The following CD200R1 variants were observed in gnomAD, a reference collection of about 807,000 sequenced individuals.
CD200R1 encodes cell surface glycoprotein CD200 receptor 1.
CD200R1 carries 30 observed loss-of-function variants against 38.1 expected under a neutral mutation model. The observed-to-expected ratio is 0.79, with a 90% CI of 0.59 to 1.07. CD200R1 has a LOEUF of 1.07. Among genes scored for constraint, CD200R1 ranks in the 50% least tolerant of loss-of-function variants. The pLI, the probability that CD200R1 is intolerant of heterozygous loss-of-function variation, is 0.00. For synonymous variants in CD200R1, 128 were observed against 152.1 expected (o/e 0.84, Z 1.16); for missense variants, 372 against 415.4 (o/e 0.90, Z 0.91).
At chr3:112,930,692 T>G (rs1940409760) in intron 3 of CD200R1, among the ~76,000 whole-genome samples, 1 of 152,248 alleles carries the variant, frequency 6.6e-6, no homozygotes. Context: ...AACCTTTATG[T>G]GGGTGAAGGA....
At chr3:112,969,370 C>T (rs78592429) in intron 1 of CD200R1, among the ~76,000 whole-genome samples, 4,319 of 152,092 alleles carry the variant, frequency 0.028, 193 homozygotes, top group East Asian at 0.21. Flanking sequence ...CTACTAGAAA[C>T]AATAACAGAA....
At chr3:112,932,646 C>T (rs1227272027) in intron 2 of CD200R1, among the ~76,000 whole-genome samples, 7 of 152,084 alleles carry the variant, frequency 4.6e-5, no homozygotes, top group Non-Finnish European at 1.0e-4. Context: ...CAGCAGCCCA[C>T]ACCAACACTC....
intron 2 of CD200R1, among the ~76,000 whole-genome samples, chr3:112,931,564 G>A (rs1940440115): frequency 6.6e-6 from 1 of 152,108 alleles, no homozygotes; most frequent in Admixed American, 6.5e-5. Context: ...TTGGTCCAAT[G>A]TTGGGCACTT....
chr3:112,952,650 G>T (rs561353708), intron 1 of CD200R1, among the ~76,000 whole-genome samples: 5 of 151,950 alleles, frequency 3.3e-5, no homozygotes, highest in East Asian at 3.9e-4. Context: ...GTGGGAGGAG[G>T]GGGGAGGGAT....
At chr3:112,924,055 T>C (rs1192431199) in intron 7 of CD200R1, among the ~76,000 whole-genome samples, 4 of 151,910 alleles carry the variant, frequency 2.6e-5, no homozygotes, top group Admixed American at 1.3e-4. Context: ...TGAAGTGATA[T>C]GAGTACTCCA....
At position 112,974,950 on chromosome 3, in the gene CD200R1, A is replaced by G. The variant is rs1933406687; in HGVS notation, c.-93T>C. The G allele has an allele frequency of 4.7e-5, 44 of 940,338 alleles. No individual in the cohort carries two copies. The South Asian group carries it at 5.6e-4, about 12-fold the overall frequency. 58.2% of individuals were successfully genotyped at this position (940,338 alleles called of 1,614,324 possible). A position where few individuals can be genotyped will look rare whatever the true frequency, so the allele number is the denominator to read the frequency against. ...CGCATGGTGAGACCCTCTCTGGTCA[A>G]CTTCTCAGTACAGGATCCTCTTACC... On this transcript the variant is annotated 5_prime_UTR_variant, in exon 1 of 8. Transcript: ENST00000308611.
intron 2 of CD200R1, among the ~76,000 whole-genome samples, chr3:112,938,747 C>G (rs548737189): frequency 2.6e-5 from 4 of 152,160 alleles, no homozygotes; most frequent in African/African-American, 9.6e-5. Context: ...GAATGTAAAA[C>G]TCATTTGAAT....
At chr3:112,938,863 C>T (rs537500651) in intron 2 of CD200R1, among the ~76,000 whole-genome samples, 1 of 151,964 alleles carries the variant, frequency 6.6e-6, no homozygotes, top group African/African-American at 2.4e-5. Context: ...TACTAATAAA[C>T]ATATATATAA....
intron 1 of CD200R1, among the ~76,000 whole-genome samples, chr3:112,962,217 C>T (rs1346813167): frequency 6.6e-6 from 1 of 152,048 alleles, no homozygotes; most frequent in African/African-American, 2.4e-5. Flanking sequence ...ATTACTGTCA[C>T]AAACTCCAAA....
chr3:112,969,505 T>C lies in CD200R1; in HGVS notation c.67+5286A>G, dbSNP rs138494946. On this transcript the variant is annotated intron_variant, in intron 1 of 7. Transcript: ENST00000308611. ...GCCACCAACAGTTGCCTCTGACTTT[T>C]TGTTCCTGCCACTAGGATCACTGTC... Among the ~76,000 whole-genome samples, 558 of 152,342 alleles carry C rather than the reference T, an allele frequency of 3.7e-3. 5 individuals are homozygous for C. Among genetic ancestry groups the C allele is most frequent in the African/African-American group, 0.013 (539 of 41,582 alleles).
chr3:112,941,539 A>G (rs1940728565), intron 2 of CD200R1, among the ~76,000 whole-genome samples: 1 of 151,616 alleles, frequency 6.6e-6, no homozygotes, highest in South Asian at 2.1e-4. Flanking sequence ...TGAGATCAAC[A>G]TGCATTCCTT....
In CD200R1 at chr3:112,929,008, C is replaced by A. The variant is rs1336046447; in HGVS notation, c.577G>T (p.Val193Phe). The A allele has an allele frequency of 6.2e-7, 1 of 1,614,006 alleles. No homozygotes were observed. The highest frequency in any genetic ancestry group is 2.2e-5 in the East Asian group (1 of 44,870). ...ATATGCGCAGCTGGCTTCCCTGCAA[C>A]TGCCTTGCATACTGCAGTTCTATTC... Reference protein sequence around the residue: ...NRNRTAVCKAVAGKPAAHISW... With the variant: ...NRNRTAVCKAFAGKPAAHISW... The change falls in exon 5 of 8, where the codon GTT becomes TTT. Residue 193 changes from valine to phenylalanine, a missense_variant. Transcript: ENST00000308611.
intron 1 of CD200R1, among the ~76,000 whole-genome samples, chr3:112,948,650 C>A (rs1448214057): frequency 2.0e-5 from 3 of 152,158 alleles, no homozygotes; most frequent in Non-Finnish European, 2.9e-5. Context: ...CCCTGCTGTG[C>A]GGCCCAATCC....
chr3:112,928,748 C>CT (rs200632736), intron 5 of CD200R1, 68 bp downstream of exon 5: 1,498 of 1,206,516 alleles, frequency 1.2e-3, no homozygotes, highest in Non-Finnish European at 1.5e-3. Flanking sequence ...ATTTGCACAT[C>CT]TTTTTTTTTC....
At chr3:112,933,459 C>A (rs145160154) in intron 2 of CD200R1, among the ~76,000 whole-genome samples, 1 of 152,294 alleles carries the variant, frequency 6.6e-6, no homozygotes, top group African/African-American at 2.4e-5. Flanking sequence ...TTGCAAACAT[C>A]ACTAGAATGG....
Position 112,974,866 on chromosome 3 carries a change from T to C in CD200R1, c.-9A>G, listed in dbSNP as rs759036069. ...CTCCAAGGGCAGAGCATTTCTGTTTTCTCTTTTTCTGCCCTTCACTCAGTA... is the reference window on the plus strand; with the variant it reads ...CTCCAAGGGCAGAGCATTTCTGTTTCCTCTTTTTCTGCCCTTCACTCAGTA... On this transcript the variant is annotated 5_prime_UTR_variant, in exon 1 of 8. Transcript: ENST00000308611. 2.5e-6 allele frequency: 4 copies of C among 1,611,480 alleles called. No homozygotes were observed. The highest frequency in any genetic ancestry group is 1.7e-4 in the Middle Eastern group (1 of 6,058).
At chr3:112,958,591 T>C (rs925856872) in intron 1 of CD200R1, among the ~76,000 whole-genome samples, 1 of 152,130 alleles carries the variant, frequency 6.6e-6, no homozygotes, top group African/African-American at 2.4e-5. Flanking sequence ...ATTTATTAAA[T>C]TACATGTTTT....
chr3:112,938,069 A>C (rs1196768433), intron 2 of CD200R1, among the ~76,000 whole-genome samples: 1 of 152,194 alleles, frequency 6.6e-6, no homozygotes, highest in Non-Finnish European at 1.5e-5. Context: ...GAAGTTACTT[A>C]TCAGCTTAAG....
At chr3:112,966,932 G>T (rs1409761412) in intron 1 of CD200R1, among the ~76,000 whole-genome samples, 1 of 152,056 alleles carries the variant, frequency 6.6e-6, no homozygotes, top group Non-Finnish European at 1.5e-5. Flanking sequence ...TACTCAAACT[G>T]CAATTTTCAA....
Sources: gnomAD v4.1 joint callset for allele counts (sites outside exome capture counted in the v4.1 genomes callset) on GRCh38, gnomAD v4.1.1 for gene constraint, MANE v1.5 for transcripts, NCBI Gene and HGNC (gene_info 2026-07-23, HGNC 2026-07-21) for gene names.